Variants in TTL observed in about 807,000 individuals in gnomAD.
TTL encodes the protein tubulin--tyrosine ligase.
Under a neutral mutation model 41.1 loss-of-function variants are expected in TTL, and 10 were observed. The observed-to-expected ratio is 0.24, with a 90% CI of 0.15 to 0.41. The LOEUF (loss-of-function observed/expected upper bound fraction) is 0.41, where lower values mean the gene tolerates loss of function less well. TTL is among the 10% of genes least tolerant of loss of function. TTL has a pLI of 1.00. For missense variants in TTL, 367 were observed against 460.4 expected, an observed-to-expected ratio of 0.80 and a Z score of 1.86; for synonymous variants, 175 against 175.5, an observed-to-expected ratio of 1.00 and a Z score of 0.02.
chr2:112,523,905 A>G (rs1443272055), intron 6 of TTL, among the ~76,000 whole-genome samples: 2 of 151,786 alleles, frequency 1.3e-5, no homozygotes, highest in African/African-American at 4.8e-5. Context: ...TTAACTCATC[A>G]TTTACATTAG....
At chr2:112,497,258 T>G (rs1195171056) in intron 3 of TTL, among the ~76,000 whole-genome samples, 1 of 151,918 alleles carries the variant, frequency 6.6e-6, no homozygotes, top group Admixed American at 6.6e-5. Context: ...TCAAGTGATC[T>G]TCCCACCTCA....
intron 5 of TTL, among the ~76,000 whole-genome samples, chr2:112,513,904 G>A (rs1681996594): frequency 6.6e-6 from 1 of 152,158 alleles, no homozygotes; most frequent in African/African-American, 2.4e-5. Flanking sequence ...CTTAAAGATA[G>A]TGGATGGTGG....
chr2:112,521,122 G>A lies in TTL; in HGVS notation c.1019+697G>A, dbSNP rs543587054. On this transcript the variant is annotated intron_variant, in intron 6 of 6. Transcript: ENST00000233336. ...GACATGGGGGGTCTGGAGCTGGGGT[G>A]CAAGAAAAGAGGGTTCCGCTGCACC... 3.6e-4 allele frequency: 349 copies of A among 960,200 alleles called. 2 individuals are homozygous for A. The highest frequency in any genetic ancestry group is 3.5e-3 in the South Asian group (73 of 20,796). 59.5% of individuals were successfully genotyped at this position (960,200 alleles called of 1,614,324 possible). A position where few individuals can be genotyped will look rare whatever the true frequency, so the allele number is the denominator to read the frequency against.
At chr2:112,521,249 G>T (rs1221353908) in intron 6 of TTL, 29 of 985,284 alleles carry the variant, frequency 2.9e-5, no homozygotes, top group Non-Finnish European at 3.4e-5. Flanking sequence ...AGGAACAGAA[G>T]CTCCTGAGAA....
chr2:112,492,738 A>C (rs1195689510), intron 2 of TTL, among the ~76,000 whole-genome samples: 2 of 151,884 alleles, frequency 1.3e-5, no homozygotes, highest in African/African-American at 4.8e-5. Context: ...TCCAAAAAAA[A>C]AAATTTGCTG....
At chr2:112,516,893 A>T (rs1323895574) in intron 5 of TTL, among the ~76,000 whole-genome samples, 1 of 152,202 alleles carries the variant, frequency 6.6e-6, no homozygotes, top group Non-Finnish European at 1.5e-5. Context: ...CTGACACCAG[A>T]TAAATCAAAT....
Position 112,503,155 on chromosome 2 carries a change from C to G in TTL, c.849C>G (p.Ile283Met), listed in dbSNP as rs1031655209. ...SALNITLESS[I>M]LLQIKHIIRN... is the part of the protein sequence containing the mutation. ...TGAACATTACCCTAGAAAGTAGTAT[C>G]TTACTACAAATCAAACATATAATAA... is the stretch of plus-strand genomic sequence containing the variant. Residue 283 changes from isoleucine to methionine, a missense_variant, in exon 5 of 7, where the codon ATC becomes ATG. Transcript: ENST00000233336. The G allele has an allele frequency of 3.7e-6, 6 of 1,601,624 alleles. No homozygotes were observed. The African/African-American group carries it at 6.7e-5, about 18-fold the overall frequency.
intron 6 of TTL, chr2:112,521,193 G>C: frequency 5.1e-6 from 5 of 985,364 alleles, no homozygotes; most frequent in Non-Finnish European, 6.0e-6. Flanking sequence ...AGCGTCCTGT[G>C]GGCTCTCACC....
At chr2:112,502,861 T>C (rs1195257928) in intron 4 of TTL, 51 bp from the exon 5 acceptor site, 1 of 1,564,302 alleles carries the variant, frequency 6.4e-7, no homozygotes, top group East Asian at 2.3e-5. Context: ...GTATATAATA[T>C]GCAGAAACTT....
chr2:112,491,133 A>G (rs956730573), intron 2 of TTL, among the ~76,000 whole-genome samples: 6 of 152,128 alleles, frequency 3.9e-5, no homozygotes, highest in Non-Finnish European at 5.9e-5. Flanking sequence ...CTGGGACTAC[A>G]GGCAACTGCC....
chr2:112,493,175 T>C (rs542478356), intron 2 of TTL, among the ~76,000 whole-genome samples: 1 of 152,298 alleles, frequency 6.6e-6, no homozygotes, highest in South Asian at 2.1e-4. Flanking sequence ...CAGACTGGGT[T>C]TTGTAGGTGA....
At chr2:112,515,742 T>C (rs1314045601) in intron 5 of TTL, among the ~76,000 whole-genome samples, 2 of 152,058 alleles carry the variant, frequency 1.3e-5, no homozygotes, top group Non-Finnish European at 2.9e-5. Flanking sequence ...GGTCAGGAGA[T>C]TGAGATCATC....
intron 5 of TTL, among the ~76,000 whole-genome samples, chr2:112,509,609 C>A (rs922100080): frequency 6.6e-6 from 1 of 152,086 alleles, no homozygotes; most frequent in Non-Finnish European, 1.5e-5. Context: ...TTCTTTGACT[C>A]GGAAAGGGAA....
intron 3 of TTL, among the ~76,000 whole-genome samples, chr2:112,497,790 A>G (rs1574059108): frequency 6.6e-6 from 1 of 152,312 alleles, no homozygotes; most frequent in East Asian, 1.9e-4. Flanking sequence ...TCATTTATAA[A>G]GAAAGCATGA....
At chr2:112,483,801 T>C (rs1681160616) in intron 1 of TTL, 1 of 152,174 alleles carries the variant, frequency 6.6e-6, no homozygotes, top group Non-Finnish European at 1.5e-5. Flanking sequence ...GTTTATGATG[T>C]AGAATGGTGA....
chr2:112,517,692 C>A (rs538027623), intron 5 of TTL, among the ~76,000 whole-genome samples: 1 of 151,116 alleles, frequency 6.6e-6, no homozygotes, highest in East Asian at 2.0e-4. Context: ...CCTCTAATCC[C>A]AGCACTTTGG....
chr2:112,513,632 TATGA>T (rs1681987548), intron 5 of TTL, among the ~76,000 whole-genome samples: 1 of 148,030 alleles, frequency 6.8e-6, no homozygotes. Context: ...TTTATACAAG[TATGA>T]ATATTTATAC....
intron 6 of TTL, chr2:112,521,119 G>C: frequency 1.1e-6 from 1 of 948,834 alleles, no homozygotes; most frequent in South Asian, 4.9e-5. Flanking sequence ...CTGGAGCTGG[G>C]GTGCAAGAAA....
rs758651246 is a variant in TTL, at chr2:112,482,537, G to C, written c.157+36G>C. The C allele has an allele frequency of 1.3e-6, 2 of 1,563,502 alleles. No individual in the cohort carries two copies. Among genetic ancestry groups the C allele is most frequent in the East Asian group, 4.9e-5 (2 of 40,764 alleles). ...CCCCGATTCCCGTCTGCCCTCCTCG[G>C]AGCGGCCCTGCGCGCCTCCCGCGGC... On this transcript the variant is annotated intron_variant, in intron 1 of 6. Transcript: ENST00000233336. The surrounding 1 kb of genome is among the most constrained non-coding windows in gnomAD (Gnocchi z 5.3).
Sources: allele counts gnomAD v4.1 joint callset (sites outside exome capture counted in the v4.1 genomes callset), GRCh38; gene constraint gnomAD v4.1.1; non-coding constraint Gnocchi (gnomAD v3.1); transcripts MANE v1.5; gene names NCBI Gene and HGNC (gene_info 2026-07-23, HGNC 2026-07-21).